The following PCNT variants were observed in gnomAD, a reference collection of about 807,000 sequenced individuals.
PCNT encodes the protein pericentrin, also known as kendrin.
PCNT carries 319 observed loss-of-function variants against 380.4 expected under a neutral mutation model. The ratio of observed to expected loss-of-function variants is 0.84; its 90% CI spans 0.77 to 0.92. PCNT has a LOEUF of 0.92. Ranked by LOEUF, PCNT falls within the 40% of genes least tolerant of loss-of-function variation. The probability of loss-of-function intolerance (pLI) is 0.00; values close to 1 mark genes in which losing one functional copy is unlikely to be tolerated. For missense variants in PCNT, 4,400 were observed against 4,255.3 expected (o/e 1.03, Z -0.95); for synonymous variants, 1,845 against 1,735.2 (o/e 1.06, Z -1.57).
rs555621096 is a variant in PCNT, at chr21:46,428,509, G to C, written c.7609G>C (p.Glu2537Gln). ...QLRMTHLQNQEKLQHLRTALT... is the reference protein window; with the variant it reads ...QLRMTHLQNQQKLQHLRTALT... ...GCGCATGACGCACCTGCAGAACCAGGAGAAGCTGCAGCACTTGCGCACGGC... is the reference window on the plus strand; with the variant it reads ...GCGCATGACGCACCTGCAGAACCAGCAGAAGCTGCAGCACTTGCGCACGGC... Residue 2537 changes from glutamate to glutamine, a missense_variant, in exon 35 of 47, where the codon GAG becomes CAG. By Grantham distance (29) the Glu-to-Gln change is conservative (BLOSUM62 2). Coordinates refer to ENST00000359568, the MANE Select transcript of PCNT (RefSeq NM_006031.6). 4 of 1,611,918 alleles carry C rather than the reference G, an allele frequency of 2.5e-6. No homozygotes were observed. In the African/African-American group the frequency reaches 5.3e-5, roughly 21 times the overall value.
chr21:46,443,768 T>C, intron 44 of PCNT, 42 bp from the exon 45 acceptor site: 1 of 1,608,632 alleles, frequency 6.2e-7, no homozygotes, highest in Non-Finnish European at 8.5e-7. Context: ...ATGCATTCAT[T>C]TATTTTCCTA....
intron 24 of PCNT, 118 bp from the exon 25 acceptor site, chr21:46,399,472 C>G (rs1206154595): frequency 2.7e-6 from 2 of 750,722 alleles, no homozygotes; most frequent in Admixed American, 2.1e-5. Context: ...CCCTTTGGGT[C>G]TAGGGGAGGG....
rs748305573 is a variant in PCNT, at chr21:46,435,964, G to A, written c.8812G>A (p.Val2938Met). The change falls in exon 39 of 47, where the codon GTG (valine) becomes ATG (methionine). Residue 2938 changes from valine to methionine, a missense_variant. Coordinates refer to ENST00000359568, the MANE Select transcript of PCNT (RefSeq NM_006031.6). ...TAAGATCAAGCAGCTTCAGCAGACA[G>A]TGAGAGACCTGGAGTCGAAGGACGA... ...LHKIKQLQQT[V>M]RDLESKDEVP... 69 of 1,614,080 alleles carry A rather than the reference G, an allele frequency of 4.3e-5. No homozygotes were observed. The South Asian group carries it at 6.6e-4, about 15-fold the overall frequency.
intron 31 of PCNT, among the ~76,000 whole-genome samples, 196 bp from the exon 32 acceptor site, chr21:46,421,774 C>G (rs371305575): frequency 2.0e-5 from 3 of 152,212 alleles, no homozygotes; most frequent in African/African-American, 7.2e-5. Context: ...TCTTACTTGA[C>G]GTGCGTCTTT....
intron 38 of PCNT, among the ~76,000 whole-genome samples, chr21:46,432,855 A>C (rs1266078107): frequency 6.6e-6 from 1 of 152,162 alleles, no homozygotes; most frequent in Non-Finnish European, 1.5e-5. Flanking sequence ...TTCTGACCTC[A>C]GGTGATCCGC....
rs963459468 is a variant in PCNT at position 46,425,291 on chromosome 21, G to A, written c.7180-540G>A. 2.0e-5 allele frequency among the ~76,000 whole-genome samples: 3 copies of A among 152,232 alleles called. No individual in the cohort carries two copies. Among genetic ancestry groups the A allele is most frequent in the African/African-American group, 7.2e-5 (3 of 41,460 alleles). ...CTCGTGTTCACAGACCTGTGGGCAG[G>A]GCCTGCTGGGGATGGTTTTCTCTGC... On this transcript the variant is annotated intron_variant, in intron 32 of 46. Coordinates refer to ENST00000359568, the MANE Select transcript of PCNT (RefSeq NM_006031.6). The surrounding 1 kb of genome is among the most constrained non-coding windows in gnomAD (Gnocchi z 4.2).
rs781032420 is a variant in PCNT at position 46,346,955 on chromosome 21, A to C, written c.933A>C (p.Ala311=). The change falls in exon 5 of 47, where the codon GCA becomes GCC. Residue 311 remains alanine, a synonymous_variant. Coordinates refer to ENST00000359568, the MANE Select transcript of PCNT (RefSeq NM_006031.6). ...HELELLREQH[A]REKEEVVLRC... ...TGGAGCTCCTCAGGGAGCAGCACGC[A>C]CGGGAGAAGGAGGAGGTGGTGCTCA... 1.3e-6 allele frequency: 2 copies of C among 1,597,208 alleles called. No homozygotes were observed. The highest frequency in any genetic ancestry group is 1.7e-6 in the Non-Finnish European group (2 of 1,174,004).
chr21:46,338,115 G>T (rs533455601), intron 3 of PCNT, among the ~76,000 whole-genome samples: 1 of 152,234 alleles, frequency 6.6e-6, no homozygotes, highest in South Asian at 2.1e-4. Flanking sequence ...TTGGGCTCAA[G>T]TGATCCTCCT....
rs187366347 is a variant in PCNT, at chr21:46,385,997, C to A, written c.3464+14C>A. 8.7e-6 allele frequency: 14 copies of A among 1,613,636 alleles called. No homozygotes were observed. Among genetic ancestry groups the A allele is most frequent in the Non-Finnish European group, 1.2e-5 (14 of 1,179,944 alleles). ...CCACAGCGAAAGGTCAGTGTGTCCT[C>A]GGCACCGAGGCTGCCTTGTGGCCGC... On this transcript the variant is annotated intron_variant, in intron 17 of 46. Transcript: ENST00000359568.
At chr21:46,363,390 C>G in intron 13 of PCNT, 90 bp from the exon 14 acceptor site, 1 of 934,544 alleles carries the variant, frequency 1.1e-6, no homozygotes, top group Non-Finnish European at 1.8e-6. Flanking sequence ...GGTGAAAATT[C>G]CCTGTCTTCA....
At chr21:46,367,222 G>T in intron 15 of PCNT, 83 bp downstream of exon 15, 3 of 1,180,504 alleles carry the variant, frequency 2.5e-6, no homozygotes, top group South Asian at 2.5e-5. Flanking sequence ...ACATGTCTGC[G>T]TGCGTGCTGT....
rs2084382020 is a variant in PCNT at position 46,354,085 on chromosome 21, T to C, written c.1761+17T>C. 6.8e-6 allele frequency: 11 copies of C among 1,609,190 alleles called. No individual in the cohort carries two copies. Among genetic ancestry groups the C allele is most frequent in the Non-Finnish European group, 8.5e-6 (10 of 1,175,698 alleles). On this transcript the variant is annotated intron_variant, in intron 11 of 46. Transcript: ENST00000359568. ...CGACATAAGGTAATTGGCCGCGCGC[T>C]GAGAAGTGGGGGAGTCCTGTGCTCT...
At position 46,409,216 on chromosome 21, in the gene PCNT, T is replaced by TCA. The variant is rs1340227213; in HGVS notation, c.5116-1972_5116-1971insAC. 3.0e-5 allele frequency among the ~76,000 whole-genome samples: 4 copies of TCA among 132,812 alleles called. No homozygotes were observed. The East Asian group carries it at 9.2e-4, about 30-fold the overall frequency. 87.1% of individuals were successfully genotyped at this position (132,812 alleles called of 152,430 possible). On this transcript the variant is annotated intron_variant, in intron 27 of 46. Transcript: ENST00000359568. ...TTTTTTTTTTTTTTTTTTGACAGAG[T>TCA]CTCTCTCTGTTGCCCAGGCTAGAGT...
In PCNT at chr21:46,438,326, T is replaced by C. The variant is rs2148062100; in HGVS notation, c.9262T>C (p.Cys3088Arg). The C allele has an allele frequency of 6.2e-7, 1 of 1,614,094 alleles. No homozygotes were observed. Among genetic ancestry groups the C allele is most frequent in the African/African-American group, 1.3e-5 (1 of 75,052 alleles). Residue 3088 changes from cysteine (C) to arginine (R), a missense_variant, in exon 41 of 47, where the codon TGC becomes CGC. Physicochemically the swap from Cys to Arg is radical, Grantham distance 180. Transcript: ENST00000359568. ...KLLKHHLQKGCSPSRSERSAW... is the reference protein window; with the variant it reads ...KLLKHHLQKGRSPSRSERSAW... ...GCTGAAGCACCATCTGCAGAAGGGC[T>C]GCAGCCCAAGCGTAGGTGTCTGTGC... is the stretch of plus-strand genomic sequence containing the variant.
chr21:46,426,074 T>TC, intron 33 of PCNT, 103 bp downstream of exon 33: 1 of 846,172 alleles, frequency 1.2e-6, no homozygotes, highest in Non-Finnish European at 1.7e-6. Flanking sequence ...TCTTTCTTTT[T>TC]TTTTTTTTTT....
intron 14 of PCNT, among the ~76,000 whole-genome samples, chr21:46,366,233 C>A (rs774844750): frequency 1.6e-4 from 24 of 152,150 alleles, no homozygotes; most frequent in Admixed American, 5.2e-4. Context: ...CTGGCTCGGA[C>A]GCTGTGGTGT....
chr21:46,342,722 G>T (rs2083944529), intron 3 of PCNT, among the ~76,000 whole-genome samples: 1 of 151,900 alleles, frequency 6.6e-6, no homozygotes, highest in Non-Finnish European at 1.5e-5. Flanking sequence ...TGTATTTTTA[G>T]TAGAGACGGA....
intron 14 of PCNT, among the ~76,000 whole-genome samples, chr21:46,364,174 T>C (rs1377844849): frequency 6.6e-6 from 1 of 152,168 alleles, no homozygotes; most frequent in Non-Finnish European, 1.5e-5. Flanking sequence ...TGGGACAGCT[T>C]TGTGCTCGGA....
intron 16 of PCNT, among the ~76,000 whole-genome samples, chr21:46,383,225 C>T (rs1200659347): frequency 1.4e-5 from 2 of 146,656 alleles, no homozygotes; most frequent in Admixed American, 6.9e-5. Flanking sequence ...TATTCAGTGG[C>T]GGAAGCGCAT....
Sources: gnomAD v4.1 joint callset for allele counts (sites outside exome capture counted in the v4.1 genomes callset) on GRCh38, gnomAD v4.1.1 for gene constraint, Gnocchi (gnomAD v3.1) non-coding constraint, MANE v1.5 for transcripts, NCBI Gene and HGNC (gene_info 2026-07-23, HGNC 2026-07-21) for gene names.